The following TCF4 variants were observed in gnomAD, a reference collection of about 807,000 sequenced individuals.
The protein encoded by TCF4 is SL3-3 enhancer factor 2.
TCF4 carries 3 observed loss-of-function variants against 82.1 expected under a neutral mutation model. The observed-to-expected ratio is 0.04, with a 90% CI of 0.02 to 0.09. The LOEUF (loss-of-function observed/expected upper bound fraction) is 0.09. TCF4 is among the 10% of genes least tolerant of loss of function. The pLI is 1.00. For synonymous variants in TCF4, 276 were observed against 309.6 expected (o/e 0.89, Z 1.14); for missense variants, 518 against 852.7 (o/e 0.61, Z 4.89).
At chr18:55,282,674 C>A (rs903053736) in intron 8 of TCF4, among the ~76,000 whole-genome samples, 1 of 151,786 alleles carries the variant, frequency 6.6e-6, no homozygotes, top group Non-Finnish European at 1.5e-5. Flanking sequence ...AACAAACATC[C>A]CAGATCTCTT....
intron 8 of TCF4, among the ~76,000 whole-genome samples, chr18:55,335,864 T>C (rs2078523768): frequency 6.6e-6 from 1 of 152,138 alleles, no homozygotes; most frequent in Non-Finnish European, 1.5e-5. Context: ...ACTATAAATT[T>C]GACTGTATAA....
At chr18:55,586,261 TTTTA>T (rs2097650358) in intron 2 of TCF4, 2 of 936,958 alleles carry the variant, frequency 2.1e-6, no homozygotes, top group Non-Finnish European at 3.2e-6. Flanking sequence ...GCGGTTTGGA[TTTTA>T]TTTGTGTGTT....
chr18:55,608,390 T>TTTTTTTTTTTG (rs2097704120), intron 2 of TCF4, among the ~76,000 whole-genome samples: 1 of 150,664 alleles, frequency 6.6e-6, no homozygotes. Flanking sequence ...TTTTTTTTTT[T>TTTTTTTTTTTG]GCAATATGGG....
intron 8 of TCF4, among the ~76,000 whole-genome samples, chr18:55,327,855 A>G (rs1224242190): frequency 6.6e-6 from 1 of 152,194 alleles, no homozygotes. Flanking sequence ...TGCAAAATAG[A>G]TGCAAAAACC....
chr18:55,350,729 G>T (rs1404440888), intron 7 of TCF4, 145 bp downstream of exon 7: 2 of 1,065,862 alleles, frequency 1.9e-6, no homozygotes, highest in Admixed American at 4.2e-5. Context: ...TACTAGGGGG[G>T]AAGTCTCCAG....
chr18:55,596,329 T>G, intron 2 of TCF4: 1 of 261,318 alleles, frequency 3.8e-6, no homozygotes, highest in South Asian at 3.2e-5. Flanking sequence ...CTACTTTTGT[T>G]TAAATCTCAG....
At chr18:55,395,527 T>C (rs1427035807) in intron 6 of TCF4, among the ~76,000 whole-genome samples, 1 of 152,258 alleles carries the variant, frequency 6.6e-6, no homozygotes, top group South Asian at 2.1e-4. Context: ...TGAACTGTTG[T>C]TGTATAAAAC....
rs1200813007 is a variant in TCF4 at position 55,227,284 on chromosome 18, T to C, written c.*751A>G. On this transcript the variant is annotated 3_prime_UTR_variant, in exon 20 of 20. Coordinates refer to ENST00000354452, the MANE Select transcript of TCF4 (RefSeq NM_001083962.2). The stretch of plus-strand genomic sequence containing the variant: ...AAATCCATATTTACAGTAAAATCTT[T>C]CTTTTAAAAAAGTTAATCAGTACTA... The C allele has an allele frequency of 1.3e-5, 2 of 151,660 alleles. No homozygotes were observed. Among genetic ancestry groups the C allele is most frequent in the Non-Finnish European group, 2.9e-5 (2 of 67,886 alleles). The allele number at this position is 151,660 out of a possible 1,614,324, so 9.4% of individuals were successfully genotyped here. A position where few individuals can be genotyped will look rare whatever the true frequency, so the allele number is the denominator to read the frequency against.
intron 6 of TCF4, among the ~76,000 whole-genome samples, chr18:55,376,465 C>T (rs1011524483): frequency 2.0e-5 from 3 of 152,166 alleles, no homozygotes; most frequent in Non-Finnish European, 1.5e-5. Flanking sequence ...TGTTAGTTAA[C>T]TCAGAATCAG....
chr18:55,441,055 C>A (rs1329697557), intron 5 of TCF4, among the ~76,000 whole-genome samples: 1 of 152,168 alleles, frequency 6.6e-6, no homozygotes, highest in Non-Finnish European at 1.5e-5. Flanking sequence ...CTACACATGG[C>A]CTGCATTTCT....
intron 2 of TCF4, chr18:55,631,258 C>G (rs1234699484): frequency 1.1e-6 from 1 of 906,246 alleles, no homozygotes; most frequent in Non-Finnish European, 1.7e-6. Flanking sequence ...TCATGTTGGC[C>G]AGGCTGTCTT....
At chr18:55,448,557 C>G (rs1288432447) in intron 5 of TCF4, among the ~76,000 whole-genome samples, 1 of 152,240 alleles carries the variant, frequency 6.6e-6, no homozygotes, top group Non-Finnish European at 1.5e-5. Context: ...CCTACACAAA[C>G]CAACTGCATT....
At chr18:55,479,601 C>T (rs1038536413) in intron 3 of TCF4, among the ~76,000 whole-genome samples, 7 of 152,202 alleles carry the variant, frequency 4.6e-5, no homozygotes, top group Non-Finnish European at 8.8e-5. Context: ...CCCATGTAAT[C>T]GTCTATGCAC....
intron 6 of TCF4, among the ~76,000 whole-genome samples, chr18:55,383,592 G>T (rs527655035): frequency 1.3e-5 from 2 of 152,164 alleles, no homozygotes; most frequent in African/African-American, 2.4e-5. Context: ...TTCCCAAGCT[G>T]ATATCTGTAT....
intron 5 of TCF4, among the ~76,000 whole-genome samples, chr18:55,444,438 A>G (rs2095491909): frequency 6.6e-6 from 1 of 152,210 alleles, no homozygotes; most frequent in South Asian, 2.1e-4. Flanking sequence ...CGGGAATACA[A>G]GGTGTGATTA....
intron 2 of TCF4, among the ~76,000 whole-genome samples, chr18:55,608,741 G>C (rs1338444280): frequency 6.6e-6 from 1 of 152,106 alleles, no homozygotes; most frequent in African/African-American, 2.4e-5. Flanking sequence ...TATTCATTGA[G>C]AGCCTATAAT....
chr18:55,246,979 G>A (rs976105147), intron 15 of TCF4, among the ~76,000 whole-genome samples: 1 of 152,188 alleles, frequency 6.6e-6, no homozygotes, highest in Non-Finnish European at 1.5e-5. Flanking sequence ...CACAGGAATG[G>A]CCTCTCAAAC....
intron 7 of TCF4, 68 bp from the exon 8 acceptor site, chr18:55,350,476 C>T (rs943247739): frequency 5.3e-5 from 80 of 1,521,948 alleles, no homozygotes; most frequent in Non-Finnish European, 7.0e-5. Flanking sequence ...GGTTAAACCA[C>T]AAAGACTTCT....
rs73960238 is a variant in TCF4 at position 55,343,863 on chromosome 18, C to T, written c.549+6496G>A. ...TCATACACATGGGTGCACACACACA[C>T]GCGTGCACACACACATCCGGGGATA... On this transcript the variant is annotated intron_variant, in intron 8 of 19. Transcript: ENST00000354452. 4.2e-5 allele frequency among the ~76,000 whole-genome samples: 6 copies of T among 142,026 alleles called. 1 individual carries two copies. Among genetic ancestry groups the T allele is most frequent in the Non-Finnish European group, 4.4e-5 (3 of 67,924 alleles). The allele number at this position is 142,026 out of a possible 152,430, so 93.2% of individuals were successfully genotyped here.
Sources: allele counts gnomAD v4.1 joint callset (sites outside exome capture counted in the v4.1 genomes callset), GRCh38; gene constraint gnomAD v4.1.1; transcripts MANE v1.5; gene names NCBI Gene and HGNC (gene_info 2026-07-23, HGNC 2026-07-21).